KDM7A: variants seen among roughly 807,000 people sequenced by gnomAD.
The protein encoded by KDM7A is lysine demethylase 7A, also known as lysine-specific demethylase 7A.
KDM7A carries 28 observed loss-of-function variants against 114.8 expected under a neutral mutation model. That is an observed-to-expected ratio of 0.24 (90% CI 0.18 to 0.33). KDM7A has a LOEUF of 0.33. Ranked by LOEUF, KDM7A falls within the 10% of genes least tolerant of loss-of-function variation. The pLI is 1.00. For missense variants in KDM7A, 942 were observed against 1,142.5 expected, an observed-to-expected ratio of 0.82 and a Z score of 2.53; for synonymous variants, 423 against 397.8, an observed-to-expected ratio of 1.06 and a Z score of -0.75.
In KDM7A at chr7:140,111,199, AC is replaced by A. The variant is rs780383364; in HGVS notation, c.1339-16del. 2.7e-5 allele frequency: 42 copies of A among 1,547,652 alleles called. No homozygotes were observed. Among genetic ancestry groups the A allele is most frequent in the Admixed American group, 1.5e-4 (8 of 54,912 alleles). On this transcript the variant is annotated splice_polypyrimidine_tract_variant and intron_variant, in intron 10 of 19. Transcript: ENST00000397560. The stretch of plus-strand genomic sequence containing the variant: ...TCAGATACAAGCTGTATTTGGATTA[AC>A]AAAAATAAGAAAACCAAAGTTATTT...
chr7:140,134,847 T>C (rs933900584), intron 2 of KDM7A, among the ~76,000 whole-genome samples: 5 of 152,102 alleles, frequency 3.3e-5, no homozygotes, highest in African/African-American at 4.8e-5. Flanking sequence ...TGATTCCAAG[T>C]TATTTTAAAC....
chr7:140,094,154 A>G lies in KDM7A; in HGVS notation c.2375-16T>C, dbSNP rs766673924. 4.8e-6 allele frequency: 7 copies of G among 1,447,400 alleles called. No homozygotes were observed. The Admixed American group carries it at 1.2e-4, about 24-fold the overall frequency. The allele number at this position is 1,447,400 out of a possible 1,614,324, so 89.7% of individuals were successfully genotyped here. A position where few individuals can be genotyped will look rare whatever the true frequency, so the allele number is the denominator to read the frequency against. On this transcript the variant is annotated splice_polypyrimidine_tract_variant and intron_variant, in intron 17 of 19. Transcript: ENST00000397560. ...ACATGGTATCCTAAAGAGAAGTTTT[A>G]GTTTAATTAACTTTGCACAAACTTG...
At chr7:140,151,857 G>C (rs563493272) in intron 1 of KDM7A, among the ~76,000 whole-genome samples, 3 of 152,178 alleles carry the variant, frequency 2.0e-5, no homozygotes, top group South Asian at 2.1e-4. Flanking sequence ...ATTTCCCATT[G>C]CAAGTACAGA....
chr7:140,140,248 A>T (rs1346751770), intron 1 of KDM7A, among the ~76,000 whole-genome samples: 1 of 152,204 alleles, frequency 6.6e-6, no homozygotes, highest in Non-Finnish European at 1.5e-5. Context: ...GGTGGTTTTT[A>T]ACACTAAAAA....
chr7:140,160,996 C>A (rs1346220898), intron 1 of KDM7A, among the ~76,000 whole-genome samples: 1 of 152,150 alleles, frequency 6.6e-6, no homozygotes, highest in Non-Finnish European at 1.5e-5. Flanking sequence ...AAAAAAGAAA[C>A]TGACTCAAAA....
intron 1 of KDM7A, among the ~76,000 whole-genome samples, chr7:140,144,786 G>C (rs724396): frequency 0.25 from 38,617 of 151,834 alleles, 5,182 homozygotes; most frequent in Middle Eastern, 0.3. Flanking sequence ...AGCCCGGTGT[G>C]AATTGTTTGG....
chr7:140,091,151 T>C lies in KDM7A; in HGVS notation c.2769A>G (p.Gln923=), dbSNP rs372299448. 7 of 1,614,006 alleles carry C rather than the reference T, an allele frequency of 4.3e-6. No individual in the cohort carries two copies. In the African/African-American group the frequency reaches 8.0e-5, roughly 18 times the overall value. ...RPKKGMATAK[Q]RLGKILKLNR... is the part of the protein sequence containing the mutation. ...TCAACTTAAGGATCTTCCCAAGACG[T>C]TGTTTGGCTGTTGCCATTCCTTTTT... Residue 923 remains glutamine (Q), a synonymous_variant, in exon 20 of 20, where the codon CAA becomes CAG. Coordinates refer to ENST00000397560, the MANE Select transcript of KDM7A (RefSeq NM_030647.2).
At chr7:140,141,998 A>T (rs963911786) in intron 1 of KDM7A, among the ~76,000 whole-genome samples, 1 of 148,130 alleles carries the variant, frequency 6.8e-6, no homozygotes, top group Non-Finnish European at 1.5e-5. Flanking sequence ...ATATATCCAT[A>T]AATGATATTT....
intron 1 of KDM7A, among the ~76,000 whole-genome samples, chr7:140,149,469 A>G (rs1214137254): frequency 2.6e-5 from 4 of 152,176 alleles, no homozygotes; most frequent in Non-Finnish European, 5.9e-5. Context: ...TGTTCTAAAG[A>G]AGGAGGAGGT....
chr7:140,155,096 A>G (rs1047840806), intron 1 of KDM7A, among the ~76,000 whole-genome samples: 6 of 152,158 alleles, frequency 3.9e-5, no homozygotes, highest in Non-Finnish European at 4.4e-5. Flanking sequence ...CTGATCATAC[A>G]CTAAAACTTT....
chr7:140,117,513 C>T (rs1277921052), intron 9 of KDM7A, among the ~76,000 whole-genome samples: 1 of 151,622 alleles, frequency 6.6e-6, no homozygotes, highest in African/African-American at 2.4e-5. Context: ...CCTAGCTAAC[C>T]ATAAGACAGG....
At chr7:140,119,683 A>G (rs982700737) in intron 8 of KDM7A, among the ~76,000 whole-genome samples, 3 of 152,116 alleles carry the variant, frequency 2.0e-5, no homozygotes, top group African/African-American at 7.2e-5. Flanking sequence ...TCAGGTACAA[A>G]AAGACAAGAT....
At chr7:140,170,681 T>C (rs2116860402) in intron 1 of KDM7A, among the ~76,000 whole-genome samples, 1 of 152,354 alleles carries the variant, frequency 6.6e-6, no homozygotes, top group Admixed American at 6.5e-5. Context: ...GAACAGTGCC[T>C]AGCACTTTGT....
At position 140,133,629 on chromosome 7, in the gene KDM7A, T is replaced by C. The variant is rs1199931216; in HGVS notation, c.308A>G (p.His103Arg). Residue 103 changes from histidine (H) to arginine (R), a missense_variant, in exon 3 of 20, where the codon CAT (histidine) becomes CGT (arginine). Coordinates refer to ENST00000397560, the MANE Select transcript of KDM7A (RefSeq NM_030647.2). ...LMKKRRNWHR[H>R]DYTEIDDGSK... ...ACCATCATCAATTTCTGTGTAGTCA[T>C]GTCTGTGCCAGTTCCTCCTTTTTTT... The C allele has an allele frequency of 6.2e-7, 1 of 1,606,726 alleles. No homozygotes were observed. Among genetic ancestry groups the C allele is most frequent in the Non-Finnish European group, 8.5e-7 (1 of 1,176,228 alleles).
At position 140,102,016 on chromosome 7, in the gene KDM7A, G is replaced by A. The variant is rs374608041; in HGVS notation, c.1573C>T (p.Leu525=). ...RDHNVRTPSN[L]DILELHTREV... is the part of the protein sequence containing the mutation. The stretch of plus-strand genomic sequence containing the variant: ...CTTGTGTGGAGCTCTAGGATGTCTA[G>A]GTTAGAAGGAGTTCGGACATTATGA... Residue 525 remains leucine (L), a synonymous_variant, in exon 12 of 20, where the codon CTA becomes TTA. Transcript: ENST00000397560. 9.9e-6 allele frequency: 16 copies of A among 1,613,720 alleles called. No individual in the cohort carries two copies. Among genetic ancestry groups the A allele is most frequent in the Non-Finnish European group, 1.3e-5 (15 of 1,179,828 alleles).
At chr7:140,126,418 T>A (rs965540965) in intron 6 of KDM7A, among the ~76,000 whole-genome samples, 11 of 148,840 alleles carry the variant, frequency 7.4e-5, no homozygotes, top group African/African-American at 2.7e-4. Flanking sequence ...AGAAAGTAAA[T>A]CTAATATAAA....
chr7:140,128,808 T>A (rs1434720518), intron 4 of KDM7A, among the ~76,000 whole-genome samples: 1 of 152,232 alleles, frequency 6.6e-6, no homozygotes, highest in African/African-American at 2.4e-5. Context: ...CTCTATCTAC[T>A]GCTGACAAGA....
intron 2 of KDM7A, among the ~76,000 whole-genome samples, chr7:140,138,830 C>T (rs1029331906): frequency 2.0e-5 from 3 of 152,112 alleles, no homozygotes; most frequent in Non-Finnish European, 4.4e-5. Flanking sequence ...TTTTACTTTA[C>T]CACACTTCTC....
At chr7:140,134,710 G>T (rs1248362583) in intron 2 of KDM7A, among the ~76,000 whole-genome samples, 1 of 152,114 alleles carries the variant, frequency 6.6e-6, no homozygotes, top group Non-Finnish European at 1.5e-5. Context: ...ATGTGTTAGA[G>T]CATGTAATGA....
Sources: allele counts gnomAD v4.1 joint callset (sites outside exome capture counted in the v4.1 genomes callset), GRCh38; gene constraint gnomAD v4.1.1; transcripts MANE v1.5; gene names NCBI Gene and HGNC (gene_info 2026-07-23, HGNC 2026-07-21).